The following SIRT2 variants were observed in gnomAD, a reference collection of about 807,000 sequenced individuals.
The protein encoded by SIRT2 is sirtuin 2.
Under a neutral mutation model 57.4 loss-of-function variants are expected in SIRT2, and 40 were observed. That is an observed-to-expected ratio of 0.70 (90% confidence interval 0.54 to 0.91). SIRT2 has a LOEUF of 0.91. SIRT2 is among the 40% of genes least tolerant of loss of function. SIRT2 has a pLI of 0.00. For missense variants in SIRT2, 439 were observed against 510.4 expected (o/e 0.86, Z 1.35); for synonymous variants, 161 against 195.7 (o/e 0.82, Z 1.48).
At chr19:38,894,038 CG>C in intron 2 of SIRT2, 171 bp from the exon 3 acceptor site, 2 of 1,414,180 alleles carry the variant, frequency 1.4e-6, no homozygotes, top group Admixed American at 2.8e-5. Context: ...GACAGGCTGC[CG>C]GGGTTGGAGT....
chr19:38,889,947 C>T lies in SIRT2; in HGVS notation c.283G>A (p.Asp95Asn), dbSNP rs1428868182. 7 of 1,614,082 alleles carry T rather than the reference C, an allele frequency of 4.3e-6. No homozygotes were observed. Among genetic ancestry groups the T allele is most frequent in the Middle Eastern group, 1.6e-4 (1 of 6,062 alleles). The change falls in exon 6 of 16, where the codon GAC (aspartate) becomes AAC (asparagine). Residue 95 changes from aspartate (D) to asparagine (N), a missense_variant. By Grantham distance (23) the Asp-to-Asn change is conservative. Coordinates refer to ENST00000249396, the MANE Select transcript of SIRT2 (RefSeq NM_012237.4). ...AGISTSAGIP[D>N]FRSPSTGLYD... ...AGGCCGGTGGATGGAGAGCGAAAGT[C>T]GGGGATGCCTGCGGCTAGGAAAGGG...
chr19:38,882,325 T>C (rs1198482724), intron 9 of SIRT2, among the ~76,000 whole-genome samples: 1 of 152,062 alleles, frequency 6.6e-6, no homozygotes, highest in Admixed American at 6.5e-5. Context: ...TTATTTCTTA[T>C]TGATTTAGGA....
intron 8 of SIRT2, among the ~76,000 whole-genome samples, chr19:38,883,998 C>G (rs1973243690): frequency 6.6e-6 from 1 of 151,920 alleles, no homozygotes; most frequent in African/African-American, 2.4e-5. Flanking sequence ...CATGGCGGCT[C>G]ACGCCTATAA....
intron 2 of SIRT2, among the ~76,000 whole-genome samples, chr19:38,896,519 C>T (rs1973722084): frequency 6.6e-6 from 1 of 152,130 alleles, no homozygotes. Context: ...GGCCTCACCT[C>T]GTTTTTCAGA....
intron 8 of SIRT2, among the ~76,000 whole-genome samples, chr19:38,884,948 C>T (rs1269689044): frequency 1.3e-5 from 2 of 151,984 alleles, no homozygotes; most frequent in African/African-American, 4.8e-5. Context: ...GAGCCTTCTG[C>T]CTCAGCCTCC....
chr19:38,879,252 G>GC lies in SIRT2; in HGVS notation c.1072dup (p.Ala358GlyfsTer49). The GC allele has an allele frequency of 6.2e-7, 1 of 1,604,690 alleles. No homozygotes were observed. Among genetic ancestry groups the GC allele is most frequent in the Non-Finnish European group, 8.5e-7 (1 of 1,177,366 alleles). ...TGAAGTGCTGGGGTTGGGGACCCCC[G>GC]CCCCCGACTGGGCATCTATGCTGGC... is the stretch of plus-strand genomic sequence containing the variant. On this transcript the variant is annotated frameshift_variant, in exon 16 of 16. Coordinates refer to ENST00000249396, the MANE Select transcript of SIRT2 (RefSeq NM_012237.4). LOFTEE classifies it low-confidence loss of function (END_TRUNC).
Position 38,880,200 on chromosome 19 carries a change from C to A in SIRT2, c.876+485G>T, listed in dbSNP as rs180700776. On this transcript the variant is annotated intron_variant, in intron 13 of 15. Coordinates refer to ENST00000249396, the MANE Select transcript of SIRT2 (RefSeq NM_012237.4). This position sits in a 1 kb window ranked among gnomAD's most constrained non-coding sequence, Gnocchi z 4.1. ...TGTAGAATAGGGGTGATCACAAAAC[C>A]GCGATGGGGTTGTGGCGCCAGTGAG... 13 of 178,178 alleles carry A rather than the reference C, an allele frequency of 7.3e-5. No individual in the cohort carries two copies. Among genetic ancestry groups the A allele is most frequent in the Middle Eastern group, 2.6e-3 (1 of 390 alleles). The allele number at this position is 178,178 out of a possible 1,614,324, so 11.0% of individuals were successfully genotyped here. A position where few individuals can be genotyped will look rare whatever the true frequency, so the allele number is the denominator to read the frequency against.
At chr19:38,883,984 T>TG (rs1190486134) in intron 8 of SIRT2, among the ~76,000 whole-genome samples, 2 of 152,024 alleles carry the variant, frequency 1.3e-5, no homozygotes, top group African/African-American at 2.4e-5. Context: ...GGGGCCAGGC[T>TG]GGGCATGGCG....
chr19:38,897,859 G>A (rs1349655047), intron 2 of SIRT2, among the ~76,000 whole-genome samples: 1 of 151,864 alleles, frequency 6.6e-6, no homozygotes, highest in Non-Finnish European at 1.5e-5. Flanking sequence ...ACTTTTTAGA[G>A]AAAGGGTCTT....
At chr19:38,881,014 T>C (rs1973133671) in intron 11 of SIRT2, 86 bp downstream of exon 11, 1 of 1,553,524 alleles carries the variant, frequency 6.4e-7, no homozygotes, top group Non-Finnish European at 8.8e-7. Flanking sequence ...TGACCTTTCC[T>C]GAGGCAGGGC....
rs542181019 is a variant in SIRT2, at chr19:38,893,618, C to T, written c.113-91G>A. On this transcript the variant is annotated intron_variant, in intron 3 of 15. Transcript: ENST00000249396. ...ACCCTGGCCCCAGCCCTGGGGTTCC[C>T]GGCCTCCCCACATCTAAAGGCACAA... 4.1e-4 allele frequency: 496 copies of T among 1,198,962 alleles called. 1 individual carries two copies. The highest frequency in any genetic ancestry group is 1.8e-3 in the South Asian group (135 of 74,312). The allele number at this position is 1,198,962 out of a possible 1,614,324, so 74.3% of individuals were successfully genotyped here. A position where few individuals can be genotyped will look rare whatever the true frequency, so the allele number is the denominator to read the frequency against.
At chr19:38,899,441 G>A (rs1011069122) in intron 1 of SIRT2, 65 bp downstream of exon 1, 11 of 1,590,962 alleles carry the variant, frequency 6.9e-6, no homozygotes, top group Non-Finnish European at 9.4e-6. Flanking sequence ...CTTGGGCCCC[G>A]GGGCCTGCAG....
chr19:38,880,910 G>T lies in SIRT2; in HGVS notation c.748-13C>A, dbSNP rs1411493522. The stretch of plus-strand genomic sequence containing the variant: ...CCTTCAGGAAGTCCTGCGGGGAGGG[G>T]CGTGAGCTTGGGAGCCTCCGCCCAG... On this transcript the variant is annotated splice_polypyrimidine_tract_variant and intron_variant, in intron 11 of 15. Coordinates refer to ENST00000249396, the MANE Select transcript of SIRT2 (RefSeq NM_012237.4). This position sits in a 1 kb window ranked among gnomAD's most constrained non-coding sequence, Gnocchi z 4.1. 2 of 1,612,528 alleles carry T rather than the reference G, an allele frequency of 1.2e-6. No individual in the cohort carries two copies.
chr19:38,888,907 A>C (rs1433792496), intron 8 of SIRT2, among the ~76,000 whole-genome samples, 180 bp downstream of exon 8: 1 of 152,236 alleles, frequency 6.6e-6, no homozygotes, highest in African/African-American at 2.4e-5. Flanking sequence ...GGGGAAACTG[A>C]GGCAGAGAAG....
intron 8 of SIRT2, among the ~76,000 whole-genome samples, chr19:38,885,813 T>A (rs542927866): frequency 2.6e-5 from 4 of 152,050 alleles, no homozygotes; most frequent in South Asian, 4.2e-4. Context: ...ATGGTCTCGA[T>A]CTCCTGACCT....
intron 7 of SIRT2, 38 bp downstream of exon 7, chr19:38,889,651 C>G (rs776877877): frequency 6.2e-7 from 1 of 1,612,206 alleles, no homozygotes; most frequent in Non-Finnish European, 8.5e-7. Flanking sequence ...CCTCCCCCAA[C>G]CCTTCCTGTT....
chr19:38,880,186 G>T lies in SIRT2; in HGVS notation c.877-484C>A. On this transcript the variant is annotated intron_variant, in intron 13 of 15. Coordinates refer to ENST00000249396, the MANE Select transcript of SIRT2 (RefSeq NM_012237.4). This position sits in a 1 kb window ranked among gnomAD's most constrained non-coding sequence, Gnocchi z 4.1. ...GTGTCTTAGTTTCCTGTAGAATAGGGGTGATCACAAAACCGCGATGGGGTT... is the reference window on the plus strand; with the variant it reads ...GTGTCTTAGTTTCCTGTAGAATAGGTGTGATCACAAAACCGCGATGGGGTT... 1 of 181,734 alleles carries T rather than the reference G, an allele frequency of 5.5e-6. No individual in the cohort carries two copies. The highest frequency in any genetic ancestry group is 1.2e-5 in the Non-Finnish European group (1 of 85,844). 11.3% of individuals were successfully genotyped at this position (181,734 alleles called of 1,614,324 possible).
Position 38,898,439 on chromosome 19 carries a change from G to A in SIRT2, c.17-14C>T. On this transcript the variant is annotated splice_polypyrimidine_tract_variant and intron_variant, in intron 1 of 15. Transcript: ENST00000249396. ...GAGGGTGAGAGGCTGGGGGAGGGGA[G>A]CAGAGGTGGTTACAGTGGGGAGAAC... The A allele has an allele frequency of 1.3e-6, 2 of 1,511,662 alleles. No individual in the cohort carries two copies. The highest frequency in any genetic ancestry group is 8.9e-7 in the Non-Finnish European group (1 of 1,118,986). The allele number at this position is 1,511,662 out of a possible 1,614,324, so 93.6% of individuals were successfully genotyped here.
intron 4 of SIRT2, among the ~76,000 whole-genome samples, chr19:38,891,319 G>C (rs1044849595): frequency 6.6e-6 from 1 of 152,038 alleles, no homozygotes; most frequent in Non-Finnish European, 1.5e-5. Flanking sequence ...GAGGCCGAGG[G>C]GGGCAGATCA....
Sources: gnomAD v4.1 joint callset for allele counts (sites outside exome capture counted in the v4.1 genomes callset) on GRCh38, gnomAD v4.1.1 for gene constraint, Gnocchi (gnomAD v3.1) non-coding constraint, MANE v1.5 for transcripts, NCBI Gene and HGNC (gene_info 2026-07-23, HGNC 2026-07-21) for gene names.